The following PCDH15 variants were observed in gnomAD, a reference collection of about 807,000 sequenced individuals.
PCDH15 encodes the protein protocadherin-15.
Under a neutral mutation model 178.5 loss-of-function variants are expected in PCDH15, and 129 were observed. The ratio of observed to expected loss-of-function variants is 0.72; its 90% confidence interval spans 0.63 to 0.84. The LOEUF (loss-of-function observed/expected upper bound fraction) is 0.84. Ranked by LOEUF, PCDH15 falls within the 40% of genes least tolerant of loss-of-function variation. The pLI is 0.00. For synonymous variants in PCDH15, 800 were observed against 732.0 expected (o/e 1.09, Z -1.50); for missense variants, 2,230 against 2,099.9 (o/e 1.06, Z -1.21).
chr10:54,263,769 C>T (rs1423482636), intron 8 of PCDH15, among the ~76,000 whole-genome samples: 1 of 151,762 alleles, frequency 6.6e-6, no homozygotes, highest in African/African-American at 2.4e-5. Context: ...TGAGTGTCAA[C>T]TTGATTGTAT....
At chr10:55,467,208 TG>T (rs1839848996) in intron 2 of PCDH15, among the ~76,000 whole-genome samples, 1 of 151,932 alleles carries the variant, frequency 6.6e-6, no homozygotes, top group Non-Finnish European at 1.5e-5. Flanking sequence ...GCAAATAAAA[TG>T]AAATCAAAAA....
chr10:54,930,809 T>C (rs951050703), intron 2 of PCDH15, among the ~76,000 whole-genome samples: 2 of 152,204 alleles, frequency 1.3e-5, no homozygotes, highest in African/African-American at 4.8e-5. Context: ...ATTCAGTTAA[T>C]AGTTCTTGTT....
intron 3 of PCDH15, among the ~76,000 whole-genome samples, chr10:54,417,146 T>A (rs1181223759): frequency 6.6e-6 from 1 of 152,118 alleles, no homozygotes; most frequent in Non-Finnish European, 1.5e-5. Flanking sequence ...CACCTTAGTC[T>A]CCCAAGGTGC....
At chr10:54,644,678 C>A (rs527437281) in intron 2 of PCDH15, among the ~76,000 whole-genome samples, 1 of 152,184 alleles carries the variant, frequency 6.6e-6, no homozygotes, top group South Asian at 2.1e-4. Flanking sequence ...ATAACAGTTT[C>A]TTTGCAAAGA....
chr10:53,824,660 G>GAAAAGTATTTTT (rs1244618999), intron 32 of PCDH15, among the ~76,000 whole-genome samples: 4 of 152,076 alleles, frequency 2.6e-5, no homozygotes, highest in African/African-American at 9.7e-5. Flanking sequence ...TTCGAATCTT[G>GAAAAGTATTTTT]AAAAGTATTT....
At chr10:55,458,680 G>T (rs1007848273) in intron 2 of PCDH15, among the ~76,000 whole-genome samples, 9 of 151,916 alleles carry the variant, frequency 5.9e-5, no homozygotes, top group Non-Finnish European at 8.8e-5. Flanking sequence ...AATATCTAAA[G>T]GGGTGAAACC....
intron 2 of PCDH15, among the ~76,000 whole-genome samples, chr10:55,451,998 A>C (rs1839445940): frequency 6.6e-6 from 1 of 152,202 alleles, no homozygotes; most frequent in Non-Finnish European, 1.5e-5. Flanking sequence ...TTGTGAATAA[A>C]TGTATTTTAA....
chr10:54,071,641 T>G (rs2094244993), intron 17 of PCDH15, among the ~76,000 whole-genome samples: 1 of 152,184 alleles, frequency 6.6e-6, no homozygotes, highest in Non-Finnish European at 1.5e-5. Flanking sequence ...ATTCAATACA[T>G]GGTTTAAGAA....
chr10:54,881,968 T>C (rs11004618), intron 3 of PCDH15, among the ~76,000 whole-genome samples: 33,813 of 152,116 alleles, frequency 0.22, 4,429 homozygotes, highest in East Asian at 0.52. Flanking sequence ...TGCCTAAATA[T>C]AAGTGCCATG....
chr10:55,496,700 G>C (rs535775563), intron 2 of PCDH15, among the ~76,000 whole-genome samples: 3 of 151,628 alleles, frequency 2.0e-5, no homozygotes, highest in Non-Finnish European at 4.4e-5. Context: ...GTATATACAT[G>C]GGTATACACA....
chr10:54,174,891 A>G (rs2047295065), intron 13 of PCDH15, among the ~76,000 whole-genome samples: 1 of 151,982 alleles, frequency 6.6e-6, no homozygotes, highest in East Asian at 1.9e-4. Flanking sequence ...TCAAACTTGG[A>G]ATTCAATTAA....
At chr10:54,461,041 G>A (rs1216986854) in intron 3 of PCDH15, among the ~76,000 whole-genome samples, 1 of 151,784 alleles carries the variant, frequency 6.6e-6, no homozygotes, top group Non-Finnish European at 1.5e-5. Context: ...AATGATACTA[G>A]ATTAGAGAAT....
rs929578752 is a variant in PCDH15, at chr10:54,199,627, C to T, written c.1099-3738G>A. On this transcript the variant is annotated intron_variant, in intron 10 of 37. Transcript: ENST00000644397. ...TTTGCTCGTTAGTGGGCCCATGCATCAAAACTCTGATACAATTATCTTTTC... is the reference window on the plus strand; with the variant it reads ...TTTGCTCGTTAGTGGGCCCATGCATTAAAACTCTGATACAATTATCTTTTC... 2.0e-5 allele frequency among the ~76,000 whole-genome samples: 3 copies of T among 150,288 alleles called. No individual in the cohort carries two copies. In the East Asian group the frequency reaches 5.8e-4, roughly 29 times the overall value.
chr10:55,256,295 G>C lies in PCDH15; in HGVS notation c.-156+63304C>G, dbSNP rs7101268. 6.7e-3 allele frequency among the ~76,000 whole-genome samples: 1,017 copies of C among 152,306 alleles called. 12 individuals are homozygous for C. Among genetic ancestry groups the C allele is most frequent in the African/African-American group, 0.023 (963 of 41,570 alleles). On this transcript the variant is annotated intron_variant, in intron 1 of 5. Transcript: ENST00000458638. ...AGCTCCAGTCTACAGCTCCCAGTGTGAGCGAGGCAGAAGACGGGTGATTTC... is the reference window on the plus strand; with the variant it reads ...AGCTCCAGTCTACAGCTCCCAGTGTCAGCGAGGCAGAAGACGGGTGATTTC...
chr10:55,179,648 A>G (rs1299458383), intron 1 of PCDH15, among the ~76,000 whole-genome samples: 1 of 151,988 alleles, frequency 6.6e-6, no homozygotes, highest in Non-Finnish European at 1.5e-5. Context: ...TCTGTCGCTC[A>G]ATACAATTCT....
At chr10:53,948,183 C>T (rs566712527) in intron 23 of PCDH15, among the ~76,000 whole-genome samples, 1 of 152,152 alleles carries the variant, frequency 6.6e-6, no homozygotes, top group East Asian at 1.9e-4. Context: ...ACTGCCCTAC[C>T]TTAATTATTA....
intron 2 of PCDH15, among the ~76,000 whole-genome samples, chr10:54,932,849 G>T (rs61854551): frequency 0.25 from 37,395 of 151,938 alleles, 5,414 homozygotes; most frequent in Non-Finnish European, 0.33. Flanking sequence ...TGTTTTTAAA[G>T]TCTACACTAG....
At chr10:53,973,569 A>T (rs1432203140) in intron 21 of PCDH15, among the ~76,000 whole-genome samples, 1 of 152,164 alleles carries the variant, frequency 6.6e-6, no homozygotes, top group East Asian at 1.9e-4. Flanking sequence ...AGTATACAGA[A>T]TTACTTTCTT....
At chr10:55,578,412 G>A (rs1441357392) in intron 2 of PCDH15, among the ~76,000 whole-genome samples, 1 of 151,878 alleles carries the variant, frequency 6.6e-6, no homozygotes, top group Non-Finnish European at 1.5e-5. Context: ...GTAGAGATGG[G>A]GTTTCACCAT....
Sources: gnomAD v4.1 joint callset for allele counts (sites outside exome capture counted in the v4.1 genomes callset) on GRCh38, gnomAD v4.1.1 for gene constraint, MANE v1.5 for transcripts, NCBI Gene and HGNC (gene_info 2026-07-23, HGNC 2026-07-21) for gene names.